SESN3: variants seen among roughly 807,000 people sequenced by gnomAD.
The protein encoded by SESN3 is sestrin-3.
In SESN3, 21 loss-of-function variants were observed where a neutral mutation model predicts 55.3. The observed-to-expected ratio is 0.38, with a 90% confidence interval of 0.27 to 0.55. The LOEUF (loss-of-function observed/expected upper bound fraction) is 0.55, where lower values mean the gene tolerates loss of function less well. Among genes scored for constraint, SESN3 ranks in the 20% least tolerant of loss-of-function variants. The pLI is 0.76. For missense variants in SESN3, 408 were observed against 604.3 expected (o/e 0.68, Z 3.41); for synonymous variants, 181 against 203.1 (o/e 0.89, Z 0.93).
chr11:95,193,881 T>C (rs911041981), intron 1 of SESN3, among the ~76,000 whole-genome samples: 2 of 152,078 alleles, frequency 1.3e-5, no homozygotes, highest in African/African-American at 2.4e-5. Flanking sequence ...ATTTGAAAAC[T>C]AAATAAAAGG....
At chr11:95,196,452 G>A (rs1417172709) in intron 1 of SESN3, among the ~76,000 whole-genome samples, 2 of 151,696 alleles carry the variant, frequency 1.3e-5, no homozygotes, top group Non-Finnish European at 2.9e-5. Flanking sequence ...ATATCCAAAA[G>A]ATTGATTTTT....
chr11:95,229,956 CT>C (rs1861021120), intron 1 of SESN3, among the ~76,000 whole-genome samples: 1 of 151,910 alleles, frequency 6.6e-6, no homozygotes. Context: ...TTTTCATTCC[CT>C]TCCCCATCCC....
rs749507253 is a variant in SESN3, at chr11:95,184,452, G to A, written c.905C>T (p.Ser302Phe). 9.9e-6 allele frequency: 16 copies of A among 1,613,590 alleles called. No individual in the cohort carries two copies. The highest frequency in any genetic ancestry group is 1.4e-5 in the Non-Finnish European group (16 of 1,179,790). ...KEKKESLFVV[S>F]GDTFHSFPHS... ...AGGAAATGAATGAAAAGTATCTCCA[G>A]AGACCACAAAAAGACTTTCTTTCTT... is the stretch of plus-strand genomic sequence containing the variant. Residue 302 changes from serine (S) to phenylalanine (F), a missense_variant, in exon 6 of 10, where the codon TCT (serine) becomes TTT (phenylalanine). Around this residue, in one of 4 missense-constraint regions of SESN3, gnomAD observed 119 missense variants for 139.9 expected, o/e 0.85. Coordinates refer to ENST00000536441, the MANE Select transcript of SESN3 (RefSeq NM_144665.4).
chr11:95,198,193 C>A (rs1413202243), intron 1 of SESN3, among the ~76,000 whole-genome samples: 1 of 152,124 alleles, frequency 6.6e-6, no homozygotes, highest in Non-Finnish European at 1.5e-5. Flanking sequence ...TGCCAAGAAA[C>A]CTTTCCCCTC....
Position 95,207,188 on chromosome 11 carries a change from A to G in SESN3, c.79-13666T>C, listed in dbSNP as rs34583340. Among the ~76,000 whole-genome samples, 4 of 151,822 alleles carry G rather than the reference A, an allele frequency of 2.6e-5. No individual in the cohort carries two copies. In the East Asian group the frequency reaches 7.7e-4, roughly 29 times the overall value. On this transcript the variant is annotated intron_variant, in intron 1 of 9. Transcript: ENST00000536441. ...TCCAAATCAAAGAAATCAACCAACC[A>G]ATCAGTATGTACCAATTAAATTCAT...
At chr11:95,200,716 T>C (rs1244224019) in intron 1 of SESN3, among the ~76,000 whole-genome samples, 1 of 152,058 alleles carries the variant, frequency 6.6e-6, no homozygotes, top group African/African-American at 2.4e-5. Context: ...AAACCAAGGC[T>C]ATCAAGTCCT....
intron 7 of SESN3, 105 bp from the exon 8 acceptor site, chr11:95,178,014 T>C: frequency 1.3e-6 from 1 of 781,834 alleles, no homozygotes; most frequent in Non-Finnish European, 2.0e-6. Flanking sequence ...CTATTTCTAA[T>C]TTAGCTCTAG....
At chr11:95,221,218 C>T (rs1036062609) in intron 1 of SESN3, among the ~76,000 whole-genome samples, 3 of 151,872 alleles carry the variant, frequency 2.0e-5, no homozygotes, top group South Asian at 2.1e-4. Context: ...GCAGGAGAAT[C>T]GCTTGAACCC....
At chr11:95,202,967 A>G (rs1431347113) in intron 1 of SESN3, among the ~76,000 whole-genome samples, 1 of 152,148 alleles carries the variant, frequency 6.6e-6, no homozygotes, top group Admixed American at 6.6e-5. Flanking sequence ...GAAGTTTTAG[A>G]AAGTAAAATT....
In SESN3 at chr11:95,166,014, C is replaced by G. The variant is rs1264948749; in HGVS notation, c.*7241G>C. On this transcript the variant is annotated 3_prime_UTR_variant, in exon 10 of 10. Coordinates refer to ENST00000536441, the MANE Select transcript of SESN3 (RefSeq NM_144665.4). ...GGCTTATATGGTTAACTACCTTAGA[C>G]TATATCTACAGCAGGGTCTGGTTTG... 6.6e-6 allele frequency: 1 copy of G among 152,166 alleles called. No homozygotes were observed. Among genetic ancestry groups the G allele is most frequent in the Non-Finnish European group, 1.5e-5 (1 of 68,022 alleles). The allele number at this position is 152,166 out of a possible 1,614,324, so 9.4% of individuals were successfully genotyped here. A position where few individuals can be genotyped will look rare whatever the true frequency, so the allele number is the denominator to read the frequency against.
At chr11:95,219,720 C>T (rs539363344) in intron 1 of SESN3, among the ~76,000 whole-genome samples, 96 of 152,110 alleles carry the variant, frequency 6.3e-4, no homozygotes, top group African/African-American at 2.2e-3. Flanking sequence ...ACAGCACAAC[C>T]GACAAGCACA....
intron 6 of SESN3, 21 bp downstream of exon 6, chr11:95,184,394 AAAGGC>A: frequency 6.2e-7 from 1 of 1,611,190 alleles, no homozygotes; most frequent in Non-Finnish European, 8.5e-7. Context: ...AGAACAACTA[AAAGGC>A]AAAAAAGTGC....
Position 95,230,597 on chromosome 11 carries a change from A to T in SESN3, c.78+186T>A. ...CCAGACTTGGGTCTGTCCCGGCGGA[A>T]ATAAAAAGCCGCAGTAGTCCAAACC... On this transcript the variant is annotated intron_variant, in intron 1 of 9. Coordinates refer to ENST00000536441, the MANE Select transcript of SESN3 (RefSeq NM_144665.4). This position sits in a 1 kb window ranked among gnomAD's most constrained non-coding sequence, Gnocchi z 4.6. The T allele has an allele frequency of 1.8e-6, 1 of 548,808 alleles. No individual in the cohort carries two copies. The highest frequency in any genetic ancestry group is 2.2e-5 in the South Asian group (1 of 45,998). 34.0% of individuals were successfully genotyped at this position (548,808 alleles called of 1,614,324 possible). A position where few individuals can be genotyped will look rare whatever the true frequency, so the allele number is the denominator to read the frequency against.
chr11:95,217,127 A>C (rs1446913287), intron 1 of SESN3, among the ~76,000 whole-genome samples: 2 of 151,928 alleles, frequency 1.3e-5, no homozygotes, highest in Non-Finnish European at 2.9e-5. Context: ...AAAAAGTAAA[A>C]TATTTTCCAC....
intron 1 of SESN3, among the ~76,000 whole-genome samples, chr11:95,214,514 T>C (rs1246657668): frequency 6.6e-6 from 1 of 152,180 alleles, no homozygotes; most frequent in Non-Finnish European, 1.5e-5. Flanking sequence ...GTTTCTTCTG[T>C]TTCAATTTGT....
At chr11:95,219,389 C>T (rs1287394514) in intron 1 of SESN3, among the ~76,000 whole-genome samples, 1 of 151,896 alleles carries the variant, frequency 6.6e-6, no homozygotes, top group East Asian at 1.9e-4. Flanking sequence ...CTAATTTACA[C>T]CAAAAAATTA....
Position 95,170,002 on chromosome 11 carries a change from G to A in SESN3, c.*3253C>T, listed in dbSNP as rs953639577. The stretch of plus-strand genomic sequence containing the variant: ...CTTACAACCATAATTAAAGGCCAAG[G>A]CTATGCCCCAGATTCCATGTTAGCC... On this transcript the variant is annotated 3_prime_UTR_variant, in exon 10 of 10. Transcript: ENST00000536441. 1.3e-5 allele frequency: 2 copies of A among 152,100 alleles called. No homozygotes were observed. The highest frequency in any genetic ancestry group is 2.9e-5 in the Non-Finnish European group (2 of 68,002). The allele number at this position is 152,100 out of a possible 1,614,324, so 9.4% of individuals were successfully genotyped here.
Position 95,231,115 on chromosome 11 carries a change from C to CAA in SESN3, c.-256_-255insTT. 1 of 416,998 alleles carries CAA rather than the reference C, an allele frequency of 2.4e-6. No homozygotes were observed. The allele number at this position is 416,998 out of a possible 1,614,324, so 25.8% of individuals were successfully genotyped here. A position where few individuals can be genotyped will look rare whatever the true frequency, so the allele number is the denominator to read the frequency against. ...ACCGGCCCGTTGTTCCACCCGCCCCCATCTTCCAGACCCCCGCCCCCGCCA... is the reference window on the plus strand; with the variant it reads ...ACCGGCCCGTTGTTCCACCCGCCCCCAAATCTTCCAGACCCCCGCCCCCGCCA... On this transcript the variant is annotated 5_prime_UTR_variant, in exon 1 of 10. It removes an upstream start codon present in the reference 5' UTR. Coordinates refer to ENST00000536441, the MANE Select transcript of SESN3 (RefSeq NM_144665.4).
intron 1 of SESN3, 48 bp from the exon 2 acceptor site, chr11:95,193,570 A>G: frequency 9.5e-7 from 1 of 1,048,924 alleles, no homozygotes; most frequent in Non-Finnish European, 1.5e-6. Flanking sequence ...CTTTCTAAGA[A>G]ATGTTAAATT....
Sources: gnomAD v4.1 joint callset for allele counts (sites outside exome capture counted in the v4.1 genomes callset) on GRCh38, gnomAD v4.1.1 for gene constraint, gnomAD v4.1.1 regional missense constraint, Gnocchi (gnomAD v3.1) non-coding constraint, MANE v1.5 for transcripts, NCBI Gene and HGNC (gene_info 2026-07-23, HGNC 2026-07-21) for gene names.